Variants in TET3 observed in about 807,000 individuals in gnomAD.
TET3 encodes the protein methylcytosine dioxygenase TET3.
Under a neutral mutation model 141.4 loss-of-function variants are expected in TET3, and 19 were observed. The ratio of observed to expected loss-of-function variants is 0.13; its 90% CI spans 0.09 to 0.20. The LOEUF is 0.20. TET3 is among the 10% of genes least tolerant of loss of function. TET3 has a pLI of 1.00. For synonymous variants in TET3, 1,043 were observed against 980.9 expected (o/e 1.06, Z -1.18); for missense variants, 1,874 against 2,356.9 (o/e 0.80, Z 4.24).
chr2:73,987,108 G>A lies in TET3; in HGVS notation c.303+402G>A, dbSNP rs528529894. Among the ~76,000 whole-genome samples, 7 of 152,276 alleles carry A rather than the reference G, an allele frequency of 4.6e-5. No individual in the cohort carries two copies. The East Asian group carries it at 1.4e-3, about 29-fold the overall frequency. ...CTGATGGATTTGGAGACAAAGTTTT[G>A]GATTGACAGGGTGGTTTTATGATGC... is the stretch of plus-strand genomic sequence containing the variant. On this transcript the variant is annotated intron_variant, in intron 2 of 11. Transcript: ENST00000409262.
intron 2 of TET3, among the ~76,000 whole-genome samples, chr2:73,994,026 C>T (rs986344147): frequency 1.3e-5 from 2 of 152,086 alleles, no homozygotes; most frequent in Admixed American, 6.5e-5. Context: ...GCAGTTATTA[C>T]GTTGCATGAT....
intron 5 of TET3, 82 bp from the exon 6 acceptor site, chr2:74,080,416 A>T (rs1689743428): frequency 1.6e-6 from 2 of 1,215,452 alleles, no homozygotes; most frequent in South Asian, 2.6e-5. Flanking sequence ...AAACAAAAGC[A>T]CACTGAGGCT....
At chr2:74,010,096 C>T (rs935262208) in intron 3 of TET3, among the ~76,000 whole-genome samples, 1 of 152,184 alleles carries the variant, frequency 6.6e-6, no homozygotes, top group Non-Finnish European at 1.5e-5. Flanking sequence ...TTCCCAGAGG[C>T]GTCATTTGGA....
At chr2:74,020,649 G>GTCTA in intron 3 of TET3, among the ~76,000 whole-genome samples, 1 of 152,222 alleles carries the variant, frequency 6.6e-6, no homozygotes, top group South Asian at 2.1e-4. Flanking sequence ...GGATGGTGAT[G>GTCTA]TCTACCTGCC....
chr2:74,039,437 T>C (rs1397527066), intron 3 of TET3, among the ~76,000 whole-genome samples: 2 of 152,208 alleles, frequency 1.3e-5, no homozygotes, highest in African/African-American at 2.4e-5. Context: ...AGCACTGATA[T>C]GATTTAGGGC....
At chr2:74,040,985 A>G (rs1375544651) in intron 3 of TET3, among the ~76,000 whole-genome samples, 1 of 152,116 alleles carries the variant, frequency 6.6e-6, no homozygotes, top group Non-Finnish European at 1.5e-5. Context: ...CTGAGCTGGG[A>G]TGGGTCTGAG....
chr2:74,025,297 T>A (rs1447182630), intron 3 of TET3, among the ~76,000 whole-genome samples: 1 of 148,604 alleles, frequency 6.7e-6, no homozygotes, highest in African/African-American at 2.5e-5. Flanking sequence ...AGGTTTTTGT[T>A]TTTTTTTTTG....
At chr2:74,113,006 C>CCAAA (rs780195901), downstream of TET3, among the ~76,000 whole-genome samples, 75 of 34,366 alleles carry the variant, frequency 2.2e-3, 1 homozygote, top group Admixed American at 8.2e-3. Context: ...GACTCCGTCT[C>CCAAA]AAAAAAAAAA....
At chr2:74,126,015 C>T in the TET3 span, among the ~76,000 whole-genome samples, 1 of 152,212 alleles carries the variant, frequency 6.6e-6, no homozygotes, top group African/African-American at 2.4e-5. Flanking sequence ...CCACCTCAGC[C>T]TCTGAGTAGC....
Position 74,107,544 on chromosome 2 carries a change from G to A in TET3, c.*5368G>A, listed in dbSNP as rs984091021. 4 of 152,062 alleles carry A rather than the reference G, an allele frequency of 2.6e-5. No individual in the cohort carries two copies. Among genetic ancestry groups the A allele is most frequent in the African/African-American group, 9.7e-5 (4 of 41,402 alleles). The allele number at this position is 152,062 out of a possible 1,614,324, so 9.4% of individuals were successfully genotyped here. A position where few individuals can be genotyped will look rare whatever the true frequency, so the allele number is the denominator to read the frequency against. On this transcript the variant is annotated 3_prime_UTR_variant, in exon 12 of 12. Coordinates refer to ENST00000409262, the MANE Select transcript of TET3 (RefSeq NM_001287491.2). ...AATACCCTTTTTTTTCTTTTGAGGG[G>A]AAAAGAGGGGAGAAAAACAGGAGTG... is the stretch of plus-strand genomic sequence containing the variant.
intron 6 of TET3, among the ~76,000 whole-genome samples, chr2:74,084,844 A>T (rs1032584277): frequency 6.6e-6 from 1 of 151,914 alleles, no homozygotes; most frequent in Non-Finnish European, 1.5e-5. Flanking sequence ...GACAGTGGGG[A>T]GAATTGCCTG....
intron 6 of TET3, 44 bp downstream of exon 6, chr2:74,080,635 C>A: frequency 6.3e-7 from 1 of 1,575,026 alleles, no homozygotes; most frequent in Non-Finnish European, 8.6e-7. Context: ...TGCCTGGTTC[C>A]CCTTGCTGCA....
intron 2 of TET3, among the ~76,000 whole-genome samples, chr2:73,990,936 A>T (rs1432463906): frequency 6.6e-6 from 1 of 152,126 alleles, no homozygotes; most frequent in African/African-American, 2.4e-5. Context: ...ACCGCATCTG[A>T]GCATTTGTCA....
At chr2:74,134,954 G>A in the TET3 span, 7 of 322,864 alleles carry the variant, frequency 2.2e-5, no homozygotes, top group Admixed American at 2.8e-4. Flanking sequence ...GATTGGCTGA[G>A]TCTGGAATAT....
the TET3 span, among the ~76,000 whole-genome samples, chr2:74,119,352 CAAAAA>C: frequency 9.3e-6 from 1 of 107,602 alleles, no homozygotes; most frequent in Non-Finnish European, 2.1e-5. Flanking sequence ...GACTCTATCT[CAAAAA>C]AAAAAAAAAA....
chr2:74,014,619 C>A (rs1341881735), intron 3 of TET3, among the ~76,000 whole-genome samples: 3 of 152,056 alleles, frequency 2.0e-5, no homozygotes, highest in African/African-American at 7.3e-5. Flanking sequence ...AGGATTAGAG[C>A]ATATCCTAGG....
intron 4 of TET3, among the ~76,000 whole-genome samples, chr2:74,052,342 T>C (rs1687990145): frequency 6.6e-6 from 1 of 152,058 alleles, no homozygotes; most frequent in Non-Finnish European, 1.5e-5. Flanking sequence ...GAACAAGGCT[T>C]AGAAATCAAG....
At chr2:74,008,795 A>T (rs1328923875) in intron 3 of TET3, among the ~76,000 whole-genome samples, 2 of 152,196 alleles carry the variant, frequency 1.3e-5, no homozygotes, top group Non-Finnish European at 2.9e-5. Context: ...ATCTTGCCAC[A>T]GAAATATTCC....
chr2:74,005,698 A>G (rs1314482180), intron 3 of TET3, among the ~76,000 whole-genome samples: 2 of 152,132 alleles, frequency 1.3e-5, no homozygotes, highest in Non-Finnish European at 1.5e-5. Flanking sequence ...AGCCAGTGGG[A>G]ATAGACACAT....
Sources: allele counts gnomAD v4.1 joint callset (sites outside exome capture counted in the v4.1 genomes callset), GRCh38; gene constraint gnomAD v4.1.1; transcripts MANE v1.5; gene names NCBI Gene and HGNC (gene_info 2026-07-23, HGNC 2026-07-21).